BANP: variants seen among roughly 807,000 people sequenced by gnomAD.
BANP encodes BTG3 associated nuclear protein, also known as protein BANP.
BANP carries 11 observed loss-of-function variants against 68.1 expected under a neutral mutation model. That is an observed-to-expected ratio of 0.16 (90% CI 0.10 to 0.27). The LOEUF is 0.27. BANP is among the 10% of genes least tolerant of loss of function. The pLI is 1.00. For missense variants in BANP, 504 were observed against 722.7 expected, an observed-to-expected ratio of 0.70 and a Z score of 3.47; for synonymous variants, 329 against 303.2, an observed-to-expected ratio of 1.09 and a Z score of -0.88.
At chr16:87,977,275 C>T (rs11117339) in intron 2 of BANP, among the ~76,000 whole-genome samples, 52,992 of 152,022 alleles carry the variant, frequency 0.35, 10,539 homozygotes, top group Non-Finnish European at 0.47. Flanking sequence ...AAAAATTAGC[C>T]GGGCGTGGTG....
At chr16:87,968,372 T>C (rs1420960501) in intron 1 of BANP, among the ~76,000 whole-genome samples, 7 of 151,318 alleles carry the variant, frequency 4.6e-5, no homozygotes, top group African/African-American at 1.7e-4. Flanking sequence ...TAGTCTTAGC[T>C]ACTCAGGAGA....
At chr16:88,069,544 G>T (rs1011988634) in intron 12 of BANP, among the ~76,000 whole-genome samples, 7 of 152,116 alleles carry the variant, frequency 4.6e-5, no homozygotes, top group Non-Finnish European at 8.8e-5. Flanking sequence ...GGTGGCCCAG[G>T]AGAGTGCCTC....
intron 7 of BANP, among the ~76,000 whole-genome samples, chr16:88,022,234 G>C (rs908187661): frequency 6.6e-6 from 1 of 152,138 alleles, no homozygotes; most frequent in African/African-American, 2.4e-5. Flanking sequence ...TCTATCCACG[G>C]CTCGCTCACG....
At chr16:88,042,276 TG>T (rs1478844012) in intron 11 of BANP, among the ~76,000 whole-genome samples, 2 of 152,252 alleles carry the variant, frequency 1.3e-5, no homozygotes, top group Admixed American at 1.3e-4. Context: ...AAGAGCCATT[TG>T]GGAAGATGAG....
chr16:88,055,890 A>C (rs2152846708), intron 11 of BANP, among the ~76,000 whole-genome samples: 1 of 152,352 alleles, frequency 6.6e-6, no homozygotes, highest in Non-Finnish European at 1.5e-5. Context: ...CTTATGGAGA[A>C]GCCTTCTCTA....
At chr16:88,039,597 C>T (rs539891516) in intron 11 of BANP, among the ~76,000 whole-genome samples, 1 of 134,948 alleles carries the variant, frequency 7.4e-6, no homozygotes, top group Non-Finnish European at 1.7e-5. Flanking sequence ...ACAGAACCAG[C>T]CTTTTACACT....
upstream of BANP, chr16:87,951,299 G>A (rs993229391): frequency 7.9e-5 from 12 of 152,140 alleles, no homozygotes; most frequent in African/African-American, 2.7e-4. Flanking sequence ...TGCTCACCAG[G>A]AGGCCGAGCG....
intron 9 of BANP, chr16:88,035,009 C>T (rs955249451): frequency 2.0e-5 from 6 of 296,570 alleles, no homozygotes; most frequent in African/African-American, 1.1e-4. Context: ...CTTTGTCCAG[C>T]ATGTCCAAGC....
intron 11 of BANP, among the ~76,000 whole-genome samples, chr16:88,049,847 C>A (rs994438302): frequency 6.6e-6 from 1 of 152,188 alleles, no homozygotes; most frequent in African/African-American, 2.4e-5. Flanking sequence ...ATCTCTAATG[C>A]GTTTCAGTGT....
intron 3 of BANP, 85 bp downstream of exon 3, chr16:87,981,212 T>A (rs1359779367): frequency 4.0e-6 from 4 of 1,012,006 alleles, no homozygotes; most frequent in Non-Finnish European, 6.2e-6. Context: ...ATGGGATGGC[T>A]TCAAAATGTA....
intron 1 of BANP, among the ~76,000 whole-genome samples, chr16:87,969,067 C>G (rs751060070): frequency 6.6e-6 from 1 of 152,148 alleles, no homozygotes; most frequent in Non-Finnish European, 1.5e-5. Context: ...GCACTGCCCT[C>G]GTCCACACTG....
At chr16:87,952,242 A>G (rs749838098) in intron 1 of BANP, 3 of 152,280 alleles carry the variant, frequency 2.0e-5, no homozygotes, top group Non-Finnish European at 4.4e-5. Flanking sequence ...GATTGCCTTG[A>G]TAGAGGACTG....
chr16:88,044,603 G>A (rs867680476), intron 11 of BANP, among the ~76,000 whole-genome samples: 8 of 152,370 alleles, frequency 5.3e-5, no homozygotes, highest in African/African-American at 1.9e-4. Context: ...TTTCTTAAGA[G>A]TTTGTAGTTC....
Position 87,986,448 on chromosome 16 carries a change from T to C in BANP, c.362+2189T>C, listed in dbSNP as rs528079376. On this transcript the variant is annotated intron_variant, in intron 4 of 13. Transcript: ENST00000682872. ...GTAGTGGGTTGGCCTTGAGGGTGCC[T>C]TGCTTGGATTCCATCTGCACAGGGC... is the stretch of plus-strand genomic sequence containing the variant. Among the ~76,000 whole-genome samples, 23 of 152,330 alleles carry C rather than the reference T, an allele frequency of 1.5e-4. No individual in the cohort carries two copies. The East Asian group carries it at 4.2e-3, about 28-fold the overall frequency.
rs79596140 is a variant in BANP, at chr16:88,031,306, T to C, written c.1064-1803T>C. 1.7e-4 allele frequency among the ~76,000 whole-genome samples: 26 copies of C among 152,294 alleles called. 1 individual carries two copies. In the East Asian group the frequency reaches 5.0e-3, roughly 29 times the overall value. On this transcript the variant is annotated intron_variant, in intron 8 of 13. Transcript: ENST00000682872. ...GAATCTCATGAATTTCAGATTCTGA[T>C]TTAGTGTAGCTAGGCAATTTCTAGC...
At chr16:87,961,449 AG>A (rs1289766616) in intron 1 of BANP, among the ~76,000 whole-genome samples, 1 of 140,140 alleles carries the variant, frequency 7.1e-6, no homozygotes, top group African/African-American at 2.6e-5. Flanking sequence ...TACGGGCGTG[AG>A]CCACTTCCCC....
At chr16:87,966,064 G>A (rs972505089) in intron 1 of BANP, among the ~76,000 whole-genome samples, 5 of 152,236 alleles carry the variant, frequency 3.3e-5, no homozygotes, top group South Asian at 2.1e-4. Flanking sequence ...CATATCATCC[G>A]CACCGCTGTG....
rs920303763 is a variant in BANP, at chr16:87,996,468, T to A, written c.363-7827T>A. On this transcript the variant is annotated intron_variant, in intron 4 of 13. Coordinates refer to ENST00000682872, the MANE Select transcript of BANP (RefSeq NM_001386991.1). The stretch of plus-strand genomic sequence containing the variant: ...GCCCTCGTCCGGGTGCCAGCTGGGC[T>A]CTGGTTCTGAGTGTTGCTGGGCCCT... Among the ~76,000 whole-genome samples the A allele has an allele frequency of 1.7e-4, 14 of 82,348 alleles. 1 individual carries two copies. Among genetic ancestry groups the A allele is most frequent in the Non-Finnish European group, 3.4e-4 (13 of 38,170 alleles). The allele number at this position is 82,348 out of a possible 152,430, so 54.0% of individuals were successfully genotyped here.
At chr16:87,995,187 A>G (rs73244807) in intron 4 of BANP, among the ~76,000 whole-genome samples, 2,207 of 152,348 alleles carry the variant, frequency 0.014, 46 homozygotes, top group African/African-American at 0.05. Context: ...GGGCTTGGGA[A>G]ATGCAGTCTG....
Sources: gnomAD v4.1 joint callset for allele counts (sites outside exome capture counted in the v4.1 genomes callset) on GRCh38, gnomAD v4.1.1 for gene constraint, MANE v1.5 for transcripts, NCBI Gene and HGNC (gene_info 2026-07-23, HGNC 2026-07-21) for gene names.